GNAQ: variants seen among roughly 807,000 people sequenced by gnomAD.
GNAQ encodes G protein subunit alpha q.
In GNAQ, 8 loss-of-function variants were observed where a neutral mutation model predicts 43.9. That is an observed-to-expected ratio of 0.18 (90% CI 0.11 to 0.33). The LOEUF is 0.33. Among genes scored for constraint, GNAQ ranks in the 10% least tolerant of loss-of-function variants. The probability of loss-of-function intolerance (pLI) is 1.00; values close to 1 mark genes in which losing one functional copy is unlikely to be tolerated. For missense variants in GNAQ, 158 were observed against 450.8 expected, an observed-to-expected ratio of 0.35 and a Z score of 5.88; for synonymous variants, 155 against 170.7, an observed-to-expected ratio of 0.91 and a Z score of 0.71.
intron 2 of GNAQ, among the ~76,000 whole-genome samples, chr9:77,816,136 C>T (rs983407538): frequency 2.0e-5 from 3 of 151,968 alleles, no homozygotes; most frequent in African/African-American, 7.3e-5. Flanking sequence ...AGTAATTATC[C>T]CCTCTATGTT....
chr9:77,944,973 C>T (rs766180158), intron 1 of GNAQ, among the ~76,000 whole-genome samples: 17 of 152,196 alleles, frequency 1.1e-4, no homozygotes, highest in East Asian at 5.8e-4. Context: ...CTCAACCCAC[C>T]GCAGAGAATT....
At chr9:77,951,588 T>C (rs1358531930) in intron 1 of GNAQ, among the ~76,000 whole-genome samples, 2 of 152,182 alleles carry the variant, frequency 1.3e-5, no homozygotes, top group Non-Finnish European at 2.9e-5. Context: ...TGTAATCATA[T>C]AAATGGTCAA....
At chr9:77,746,571 T>C (rs1397287669) in intron 5 of GNAQ, among the ~76,000 whole-genome samples, 1 of 151,606 alleles carries the variant, frequency 6.6e-6, no homozygotes, top group African/African-American at 2.4e-5. Flanking sequence ...ACAAAGAAAA[T>C]TAAAATGTAA....
At chr9:77,752,911 C>G (rs1825834150) in intron 5 of GNAQ, among the ~76,000 whole-genome samples, 1 of 151,730 alleles carries the variant, frequency 6.6e-6, no homozygotes, top group Non-Finnish European at 1.5e-5. Context: ...ATGGTGAAAT[C>G]CTGTCTCTAC....
intron 5 of GNAQ, among the ~76,000 whole-genome samples, chr9:77,765,967 A>G (rs1156943082): frequency 1.3e-5 from 2 of 152,234 alleles, no homozygotes; most frequent in Non-Finnish European, 2.9e-5. Flanking sequence ...TATGCTAAGT[A>G]AAATAAGCCA....
At chr9:77,750,916 A>C (rs979939994) in intron 5 of GNAQ, among the ~76,000 whole-genome samples, 7 of 152,200 alleles carry the variant, frequency 4.6e-5, no homozygotes, top group African/African-American at 1.7e-4. Flanking sequence ...ACAACAGTGA[A>C]AATAGGCATT....
chr9:77,972,570 C>G (rs901745074), intron 1 of GNAQ, among the ~76,000 whole-genome samples: 7 of 152,044 alleles, frequency 4.6e-5, no homozygotes, highest in Admixed American at 1.3e-4. Flanking sequence ...TTTAAGAAGT[C>G]TATTCACTAC....
chr9:77,940,880 T>G (rs965184646), intron 1 of GNAQ, among the ~76,000 whole-genome samples: 1 of 150,330 alleles, frequency 6.7e-6, no homozygotes, highest in African/African-American at 2.4e-5. Flanking sequence ...GGCAGGAGAA[T>G]GGCGTGAACC....
intron 6 of GNAQ, among the ~76,000 whole-genome samples, chr9:77,723,898 TAAA>T (rs1239440041): frequency 6.6e-6 from 1 of 152,144 alleles, no homozygotes; most frequent in East Asian, 1.9e-4. Flanking sequence ...ATTGTGCACT[TAAA>T]AATGTTAAAA....
At chr9:77,955,775 T>C (rs1214869599) in intron 1 of GNAQ, among the ~76,000 whole-genome samples, 1 of 152,228 alleles carries the variant, frequency 6.6e-6, no homozygotes, top group Non-Finnish European at 1.5e-5. Context: ...TCTAAACCTT[T>C]AGATTTACAG....
At chr9:77,955,055 T>C (rs1823025884) in intron 1 of GNAQ, among the ~76,000 whole-genome samples, 1 of 152,232 alleles carries the variant, frequency 6.6e-6, no homozygotes. Flanking sequence ...GATACACGTA[T>C]GACACAGTTT....
At chr9:77,914,445 G>A (rs1054874749) in intron 2 of GNAQ, among the ~76,000 whole-genome samples, 1 of 152,126 alleles carries the variant, frequency 6.6e-6, no homozygotes. Flanking sequence ...GACCACCTGA[G>A]GTTGGGAGTT....
chr9:77,744,846 A>G (rs909682000), intron 5 of GNAQ, among the ~76,000 whole-genome samples: 6 of 152,170 alleles, frequency 3.9e-5, no homozygotes, highest in African/African-American at 1.4e-4. Context: ...TTCCAGGAAA[A>G]AACTATTTAC....
intron 1 of GNAQ, among the ~76,000 whole-genome samples, chr9:77,957,841 G>A (rs1424589402): frequency 1.3e-5 from 2 of 152,150 alleles, no homozygotes; most frequent in Non-Finnish European, 2.9e-5. Flanking sequence ...GTTTAGGCAC[G>A]TGCTTGTCGC....
intron 5 of GNAQ, among the ~76,000 whole-genome samples, chr9:77,767,930 G>A (rs897182490): frequency 3.3e-5 from 5 of 152,044 alleles, no homozygotes; most frequent in East Asian, 1.9e-4. Flanking sequence ...TAGTGTTCAC[G>A]GTCTGAGCCC....
Position 77,721,287 on chromosome 9 carries a change from C to G in GNAQ, c.*36G>C. On this transcript the variant is annotated 3_prime_UTR_variant, in exon 7 of 7. Coordinates refer to ENST00000286548, the MANE Select transcript of GNAQ (RefSeq NM_002072.5). ...CCTCTTGTGTATCTTCAATAGCCCA[C>G]CAGGGAAGGGCAGGGCGGGTGTCTA... The G allele has an allele frequency of 7.3e-7, 1 of 1,368,422 alleles. No homozygotes were observed. Among genetic ancestry groups the G allele is most frequent in the Non-Finnish European group, 1.0e-6 (1 of 979,698 alleles). 84.8% of individuals were successfully genotyped at this position (1,368,422 alleles called of 1,614,324 possible).
At chr9:77,828,059 C>CAAAAA (rs71360654) in intron 2 of GNAQ, among the ~76,000 whole-genome samples, 462 of 19,240 alleles carry the variant, frequency 0.024, 110 homozygotes, top group Middle Eastern at 0.083. Context: ...GACTCCTCCT[C>CAAAAA]AAAAAAAAAA....
At chr9:77,767,255 G>C (rs972449494) in intron 5 of GNAQ, among the ~76,000 whole-genome samples, 1 of 152,118 alleles carries the variant, frequency 6.6e-6, no homozygotes, top group African/African-American at 2.4e-5. Flanking sequence ...TGTGTTGTGA[G>C]GGGCTGTCCT....
intron 1 of GNAQ, among the ~76,000 whole-genome samples, chr9:77,980,892 G>T (rs1823359367): frequency 6.6e-6 from 1 of 152,264 alleles, no homozygotes; most frequent in Non-Finnish European, 1.5e-5. Context: ...ACCTCTCACA[G>T]TTCTATGAAT....
Sources: allele counts gnomAD v4.1 joint callset (sites outside exome capture counted in the v4.1 genomes callset), GRCh38; gene constraint gnomAD v4.1.1; transcripts MANE v1.5; gene names NCBI Gene and HGNC (gene_info 2026-07-23, HGNC 2026-07-21).